The following GBE1 variants were observed in gnomAD, a reference collection of about 807,000 sequenced individuals.
GBE1 encodes 1,4-alpha-glucan-branching enzyme.
Under a neutral mutation model 88.8 loss-of-function variants are expected in GBE1, and 70 were observed. The observed-to-expected ratio is 0.79, with a 90% CI of 0.65 to 0.96. GBE1 has a LOEUF of 0.96. GBE1 is among the 40% of genes least tolerant of loss of function. GBE1 has a pLI of 0.00. For missense variants in GBE1, 872 were observed against 871.0 expected, an observed-to-expected ratio of 1.00 and a Z score of -0.01; for synonymous variants, 284 against 300.1, an observed-to-expected ratio of 0.95 and a Z score of 0.56.
At chr3:81,549,818 T>G (rs533753434) in intron 12 of GBE1, among the ~76,000 whole-genome samples, 1 of 151,626 alleles carries the variant, frequency 6.6e-6, no homozygotes, top group East Asian at 1.9e-4. Context: ...AGCAAATCAG[T>G]CTTACCATAA....
At chr3:81,571,551 A>G (rs1703575399) in intron 12 of GBE1, among the ~76,000 whole-genome samples, 1 of 152,200 alleles carries the variant, frequency 6.6e-6, no homozygotes, top group Non-Finnish European at 1.5e-5. Context: ...AGAGTTATAT[A>G]AAAAGCATTA....
At chr3:81,737,373 ATATTTTT>A (rs1559703778) in intron 1 of GBE1, among the ~76,000 whole-genome samples, 8 of 32,054 alleles carry the variant, frequency 2.5e-4, no homozygotes, top group East Asian at 1.6e-3. Flanking sequence ...ATATTTATAT[ATATTTTT>A]ATATATATTT....
chr3:81,524,729 A>G (rs1223809812), intron 14 of GBE1, among the ~76,000 whole-genome samples: 3 of 151,582 alleles, frequency 2.0e-5, no homozygotes, highest in East Asian at 1.9e-4. Flanking sequence ...AGATACATGG[A>G]TTGATTTCTG....
intron 3 of GBE1, among the ~76,000 whole-genome samples, chr3:81,657,234 A>T (rs1198386284): frequency 6.6e-6 from 1 of 152,180 alleles, no homozygotes; most frequent in East Asian, 1.9e-4. Context: ...AGATTAGACA[A>T]AAACAATCAC....
chr3:81,558,520 T>C (rs1222769899), intron 12 of GBE1, among the ~76,000 whole-genome samples: 3 of 152,020 alleles, frequency 2.0e-5, no homozygotes, highest in Non-Finnish European at 4.4e-5. Context: ...AATTCAAAAA[T>C]TCAGTTTTCT....
intron 7 of GBE1, among the ~76,000 whole-genome samples, chr3:81,621,693 C>T (rs1016278658): frequency 6.6e-6 from 1 of 152,150 alleles, no homozygotes; most frequent in Non-Finnish European, 1.5e-5. Flanking sequence ...ACATCACTCT[C>T]CTAGTCCTAA....
chr3:81,544,840 A>G (rs1703184858), intron 12 of GBE1, among the ~76,000 whole-genome samples: 1 of 152,204 alleles, frequency 6.6e-6, no homozygotes, highest in Non-Finnish European at 1.5e-5. Flanking sequence ...TCAAGGCAAT[A>G]TAACTAATAA....
chr3:81,657,737 C>A (rs902940162), intron 3 of GBE1, among the ~76,000 whole-genome samples: 2 of 152,050 alleles, frequency 1.3e-5, no homozygotes, highest in African/African-American at 4.8e-5. Flanking sequence ...TTAATTTTAT[C>A]TGGATAATAA....
chr3:81,700,186 A>G (rs1705666474), intron 2 of GBE1, among the ~76,000 whole-genome samples: 2 of 152,182 alleles, frequency 1.3e-5, no homozygotes, highest in African/African-American at 4.8e-5. Flanking sequence ...AGTTGTTTGT[A>G]AAATGTCATG....
At chr3:81,595,222 A>G (rs888446348) in intron 7 of GBE1, among the ~76,000 whole-genome samples, 1 of 151,648 alleles carries the variant, frequency 6.6e-6, no homozygotes, top group Non-Finnish European at 1.5e-5. Context: ...CCTTGAAGGT[A>G]GTATTTGCTT....
chr3:81,670,546 C>A (rs1227226301), intron 3 of GBE1, among the ~76,000 whole-genome samples: 1 of 152,176 alleles, frequency 6.6e-6, no homozygotes, highest in Non-Finnish European at 1.5e-5. Context: ...GTTTCCCAAG[C>A]TAAAGTTTTA....
chr3:81,757,659 G>A (rs568027723), intron 1 of GBE1, among the ~76,000 whole-genome samples: 1 of 152,164 alleles, frequency 6.6e-6, no homozygotes, highest in Non-Finnish European at 1.5e-5. Context: ...TTGAGCAGCT[G>A]GTAGAGGAAG....
chr3:81,743,333 A>C (rs1241322270), intron 1 of GBE1, among the ~76,000 whole-genome samples: 1 of 152,174 alleles, frequency 6.6e-6, no homozygotes, highest in Non-Finnish European at 1.5e-5. Context: ...AATATAAATA[A>C]AAAGTATGAA....
At chr3:81,615,854 A>G (rs1310955598) in intron 7 of GBE1, among the ~76,000 whole-genome samples, 1 of 152,196 alleles carries the variant, frequency 6.6e-6, no homozygotes, top group Non-Finnish European at 1.5e-5. Flanking sequence ...AGAAACTACT[A>G]CATTGTTTTG....
intron 1 of GBE1, among the ~76,000 whole-genome samples, chr3:81,720,029 CA>C (rs1036995995): frequency 3.9e-5 from 6 of 152,006 alleles, no homozygotes; most frequent in African/African-American, 1.4e-4. Context: ...CAAAGAATCT[CA>C]GGAGATATAT....
chr3:81,681,280 ACATT>A (rs1705336685), intron 2 of GBE1, among the ~76,000 whole-genome samples: 1 of 152,026 alleles, frequency 6.6e-6, no homozygotes, highest in African/African-American at 2.4e-5. Flanking sequence ...ATTTCAACAA[ACATT>A]TGGGGGCCAG....
At chr3:81,690,790 A>G (rs189936828) in intron 2 of GBE1, among the ~76,000 whole-genome samples, 31 of 152,020 alleles carry the variant, frequency 2.0e-4, no homozygotes, top group African/African-American at 7.2e-4. Flanking sequence ...TGTCTTTATC[A>G]TCTTGCTGTT....
chr3:81,671,104 TTAGAAAAGGCAGGTTATTCTTAA>T, intron 2 of GBE1, 151 bp from the exon 3 acceptor site: 1 of 422,536 alleles, frequency 2.4e-6, no homozygotes, highest in Non-Finnish European at 4.2e-6. Context: ...TACTAGTGGT[TTAGAAAAGGCAGGTTATTCTTAA>T]TTTATTTATA....
chr3:81,510,837 A>G (rs1168462882), intron 14 of GBE1, among the ~76,000 whole-genome samples: 1 of 152,128 alleles, frequency 6.6e-6, no homozygotes, highest in Non-Finnish European at 1.5e-5. Context: ...GCTGTAATGT[A>G]CAATACAGTG....
Sources: gnomAD v4.1 joint callset for allele counts (sites outside exome capture counted in the v4.1 genomes callset) on GRCh38, gnomAD v4.1.1 for gene constraint, MANE v1.5 for transcripts, NCBI Gene and HGNC (gene_info 2026-07-23, HGNC 2026-07-21) for gene names.